The following RNF169 variants were observed in gnomAD, a reference collection of about 807,000 sequenced individuals.
RNF169 encodes E3 ubiquitin-protein ligase RNF169.
Under a neutral mutation model 53.9 loss-of-function variants are expected in RNF169, and 24 were observed. The observed-to-expected ratio is 0.45, with a 90% CI of 0.32 to 0.63. The LOEUF is 0.63. Among genes scored for constraint, RNF169 ranks in the 20% least tolerant of loss-of-function variants. RNF169 has a pLI of 0.04. For synonymous variants in RNF169, 396 were observed against 363.5 expected (o/e 1.09, Z -1.02); for missense variants, 883 against 906.2 (o/e 0.97, Z 0.33).
intron 1 of RNF169, among the ~76,000 whole-genome samples, chr11:74,766,310 C>T (rs1489082865): frequency 3.9e-5 from 6 of 152,068 alleles, no homozygotes; most frequent in Non-Finnish European, 8.8e-5. Flanking sequence ...AACTGTGGGA[C>T]AAATGGCCTA....
intron 2 of RNF169, among the ~76,000 whole-genome samples, chr11:74,799,427 T>C (rs1591413312): frequency 6.6e-6 from 1 of 152,308 alleles, no homozygotes; most frequent in South Asian, 2.1e-4. Flanking sequence ...AATAATGTGC[T>C]TTTCAAAGAA....
intron 4 of RNF169, chr11:74,831,195 A>G (rs1860922350): frequency 6.6e-6 from 1 of 152,224 alleles, no homozygotes; most frequent in South Asian, 2.1e-4. Context: ...TGGCAAAGGA[A>G]GAAGTAAGAC....
intron 1 of RNF169, among the ~76,000 whole-genome samples, chr11:74,779,482 G>A (rs2035385339): frequency 6.6e-6 from 1 of 152,110 alleles, no homozygotes; most frequent in Non-Finnish European, 1.5e-5. Flanking sequence ...CTTGTCTTAG[G>A]CAAGGGGGTA....
At position 74,838,472 on chromosome 11, in the gene RNF169, G is replaced by A. The variant is rs752006237; in HGVS notation, c.*1742G>A. ...CTGTAAAGCAGAGCCATTTTCTTGTGCAGCTCATAGTTCCCAAACAGTTCC... is the reference window on the plus strand; with the variant it reads ...CTGTAAAGCAGAGCCATTTTCTTGTACAGCTCATAGTTCCCAAACAGTTCC... On this transcript the variant is annotated 3_prime_UTR_variant, in exon 6 of 6. Transcript: ENST00000299563. 2.6e-5 allele frequency: 4 copies of A among 152,186 alleles called. No individual in the cohort carries two copies. Among genetic ancestry groups the A allele is most frequent in the Admixed American group, 6.5e-5 (1 of 15,282 alleles). 9.4% of individuals were successfully genotyped at this position (152,186 alleles called of 1,614,324 possible). A position where few individuals can be genotyped will look rare whatever the true frequency, so the allele number is the denominator to read the frequency against.
intron 1 of RNF169, among the ~76,000 whole-genome samples, chr11:74,785,177 TATATATATGATATATATATGATA>T: frequency 1.5e-5 from 1 of 65,814 alleles, no homozygotes. Context: ...ATATATGATA[TATATATATGATATATATATGATA>T]TATATATATG....
chr11:74,840,745 G>C lies in RNF169; in HGVS notation c.*4015G>C, dbSNP rs1591440933. 1 of 151,266 alleles carries C rather than the reference G, an allele frequency of 6.6e-6. No individual in the cohort carries two copies. Among genetic ancestry groups the C allele is most frequent in the Non-Finnish European group, 1.5e-5 (1 of 67,938 alleles). 9.4% of individuals were successfully genotyped at this position (151,266 alleles called of 1,614,324 possible). On this transcript the variant is annotated 3_prime_UTR_variant, in exon 6 of 6. Transcript: ENST00000299563. ...GAATGTTACAGCTGGAATGGGCATG[G>C]AAATCATCCAAGTTAAACTTCTTCT...
intron 2 of RNF169, among the ~76,000 whole-genome samples, chr11:74,799,652 A>G (rs2035701893): frequency 1.3e-5 from 2 of 152,168 alleles, no homozygotes; most frequent in Non-Finnish European, 2.9e-5. Context: ...GGAATTTTCC[A>G]GAAGCTGTTA....
At chr11:74,827,621 T>C (rs2036117515) in intron 4 of RNF169, among the ~76,000 whole-genome samples, 2 of 152,094 alleles carry the variant, frequency 1.3e-5, no homozygotes, top group Admixed American at 1.3e-4. Context: ...AAGATGAGAT[T>C]TGGGTGGGGA....
intron 1 of RNF169, among the ~76,000 whole-genome samples, chr11:74,769,271 G>C (rs189131824): frequency 6.6e-6 from 1 of 152,168 alleles, no homozygotes; most frequent in African/African-American, 2.4e-5. Flanking sequence ...AGAATGATAC[G>C]CAACAGCATT....
chr11:74,800,109 A>G (rs1231379446), intron 2 of RNF169, among the ~76,000 whole-genome samples: 1 of 151,872 alleles, frequency 6.6e-6, no homozygotes, highest in Non-Finnish European at 1.5e-5. Context: ...AGAGTCAGAA[A>G]TAACTTTTAA....
intron 1 of RNF169, among the ~76,000 whole-genome samples, chr11:74,784,528 G>C (rs1396796990): frequency 6.6e-6 from 1 of 152,220 alleles, no homozygotes; most frequent in African/African-American, 2.4e-5. Context: ...TCTCTCAGTG[G>C]AGGCACACAA....
intron 1 of RNF169, among the ~76,000 whole-genome samples, chr11:74,761,257 C>G (rs1368921598): frequency 1.4e-5 from 2 of 147,332 alleles, no homozygotes; most frequent in Non-Finnish European, 3.0e-5. Flanking sequence ...GGTCATGACT[C>G]TTTATCCAAC....
Position 74,836,146 on chromosome 11 carries a change from G to A in RNF169, c.1543G>A (p.Asp515Asn), listed in dbSNP as rs1173181499. 1 of 1,614,114 alleles carries A rather than the reference G, an allele frequency of 6.2e-7. No individual in the cohort carries two copies. The highest frequency in any genetic ancestry group is 1.1e-5 in the South Asian group (1 of 91,070). ...PSVSQTKAEQ[D>N]SDNKSSTEIP... ...TGTTAGCCAAACAAAAGCAGAACAG[G>A]ACAGTGATAATAAAAGTAGCACTGA... Residue 515 changes from aspartate (D) to asparagine (N), a missense_variant, in exon 6 of 6, where the codon GAC (aspartate) becomes AAC (asparagine). By Grantham distance (23) the Asp-to-Asn change is conservative. Around this residue, in one of 3 missense-constraint regions of RNF169, gnomAD observed 351 missense variants for 337.3 expected, o/e 1.04. Transcript: ENST00000299563.
In RNF169 at chr11:74,825,693, C is replaced by CA. The variant is rs1159948505; in HGVS notation, c.842+7986dup. On this transcript the variant is annotated intron_variant, in intron 4 of 5. Coordinates refer to ENST00000299563, the MANE Select transcript of RNF169 (RefSeq NM_001098638.2). ...ATACCAAAACCTGGAAGAGATACAA[C>CA]AAAAAAAGAAAACTTCAGGCCAATA... Among the ~76,000 whole-genome samples, 7 of 151,994 alleles carry CA rather than the reference C, an allele frequency of 4.6e-5. No individual in the cohort carries two copies. The East Asian group carries it at 9.6e-4, about 21-fold the overall frequency.
At chr11:74,756,683 A>G (rs1437327134) in intron 1 of RNF169, among the ~76,000 whole-genome samples, 1 of 152,234 alleles carries the variant, frequency 6.6e-6, no homozygotes, top group Non-Finnish European at 1.5e-5. Flanking sequence ...GCATAGGAAC[A>G]TGAAACAAGG....
chr11:74,784,155 T>C (rs80232810), intron 1 of RNF169, among the ~76,000 whole-genome samples: 3,228 of 152,330 alleles, frequency 0.021, 110 homozygotes, highest in African/African-American at 0.074. Context: ...TATAATATTA[T>C]ACTTTAATGG....
chr11:74,769,198 A>G (rs1282534153), intron 1 of RNF169, among the ~76,000 whole-genome samples: 1 of 152,250 alleles, frequency 6.6e-6, no homozygotes, highest in African/African-American at 2.4e-5. Context: ...TATTAGAAAA[A>G]TGGTGAGAAG....
intron 1 of RNF169, among the ~76,000 whole-genome samples, chr11:74,761,816 C>T (rs1242053498): frequency 9.6e-5 from 14 of 145,600 alleles, no homozygotes; most frequent in South Asian, 2.3e-4. Context: ...ATCTTTGTGG[C>T]GTTCTCTGTA....
chr11:74,799,489 G>C (rs2035699717), intron 2 of RNF169, among the ~76,000 whole-genome samples: 1 of 152,090 alleles, frequency 6.6e-6, no homozygotes, highest in Non-Finnish European at 1.5e-5. Flanking sequence ...TAGAATAGCA[G>C]GTTACTCAGG....
Sources: gnomAD v4.1 joint callset for allele counts (sites outside exome capture counted in the v4.1 genomes callset) on GRCh38, gnomAD v4.1.1 for gene constraint, gnomAD v4.1.1 regional missense constraint, MANE v1.5 for transcripts, NCBI Gene and HGNC (gene_info 2026-07-23, HGNC 2026-07-21) for gene names.